The following PKNOX2 variants were observed in gnomAD, a reference collection of about 807,000 sequenced individuals.
The protein encoded by PKNOX2 is homeobox protein PKNOX2.
Under a neutral mutation model 53.1 loss-of-function variants are expected in PKNOX2, and 14 were observed. That is an observed-to-expected ratio of 0.26 (90% CI 0.17 to 0.41). The LOEUF (loss-of-function observed/expected upper bound fraction) is 0.41. PKNOX2 is among the 10% of genes least tolerant of loss of function. PKNOX2 has a pLI of 1.00. For missense variants in PKNOX2, 496 were observed against 602.8 expected (o/e 0.82, Z 1.85); for synonymous variants, 257 against 242.8 (o/e 1.06, Z -0.54).
chr11:125,280,604 C>A (rs998270751), intron 2 of PKNOX2, among the ~76,000 whole-genome samples: 1 of 152,156 alleles, frequency 6.6e-6, no homozygotes, highest in Admixed American at 6.5e-5. Context: ...TCCAGGAAAC[C>A]CTTACTGGGT....
intron 4 of PKNOX2, among the ~76,000 whole-genome samples, chr11:125,364,802 G>A (rs1952100472): frequency 6.6e-6 from 1 of 152,244 alleles, no homozygotes; most frequent in African/African-American, 2.4e-5. Context: ...TGTGTGGTGG[G>A]TGGTGATTAT....
intron 1 of PKNOX2, among the ~76,000 whole-genome samples, chr11:125,227,479 G>T (rs1320187186): frequency 1.3e-5 from 2 of 152,184 alleles, no homozygotes; most frequent in African/African-American, 4.8e-5. Flanking sequence ...TACAGTATTT[G>T]TCTTTTTGTG....
At chr11:125,307,342 G>T (rs1454975847) in intron 2 of PKNOX2, among the ~76,000 whole-genome samples, 1 of 152,184 alleles carries the variant, frequency 6.6e-6, no homozygotes, top group Non-Finnish European at 1.5e-5. Flanking sequence ...ACCTTGGGAG[G>T]CAGAGGCAGG....
chr11:125,237,592 A>G (rs1387830043), intron 2 of PKNOX2, among the ~76,000 whole-genome samples: 6 of 152,246 alleles, frequency 3.9e-5, no homozygotes, highest in Non-Finnish European at 8.8e-5. Flanking sequence ...CCCTAGAAAG[A>G]CAGGCTAAAG....
chr11:125,174,143 C>T (rs900402709), intron 1 of PKNOX2, among the ~76,000 whole-genome samples: 3 of 152,174 alleles, frequency 2.0e-5, no homozygotes, highest in Non-Finnish European at 4.4e-5. Context: ...TGGAGATTGT[C>T]AGTTCTATCT....
At chr11:125,188,651 A>C (rs796135850) in intron 1 of PKNOX2, among the ~76,000 whole-genome samples, 51 of 151,686 alleles carry the variant, frequency 3.4e-4, no homozygotes, top group African/African-American at 1.1e-3. Flanking sequence ...CCTATTGCAA[A>C]CCCCCGTGCT....
At chr11:125,269,417 C>T (rs1945617248) in intron 2 of PKNOX2, among the ~76,000 whole-genome samples, 1 of 152,142 alleles carries the variant, frequency 6.6e-6, no homozygotes, top group South Asian at 2.1e-4. Context: ...ACAAACACAT[C>T]CTATGCAAAA....
chr11:125,324,663 T>A (rs960631279), intron 2 of PKNOX2, among the ~76,000 whole-genome samples: 2 of 152,066 alleles, frequency 1.3e-5, no homozygotes, highest in African/African-American at 4.8e-5. Context: ...CCCAGAGAGA[T>A]GGATCAGGAG....
intron 5 of PKNOX2, among the ~76,000 whole-genome samples, chr11:125,383,713 G>C (rs1953413306): frequency 6.6e-6 from 1 of 152,152 alleles, no homozygotes; most frequent in Admixed American, 6.5e-5. Flanking sequence ...AAAATTAAAA[G>C]TTCAGAGTCC....
Position 125,205,956 on chromosome 11 carries a change from T to A in PKNOX2, c.-200-29089T>A, listed in dbSNP as rs538375110. Among the ~76,000 whole-genome samples, 268 of 152,194 alleles carry A rather than the reference T, an allele frequency of 1.8e-3. 10 individuals carry two copies. The South Asian group carries it at 0.054, about 31-fold the overall frequency. On this transcript the variant is annotated intron_variant, in intron 1 of 12. Transcript: ENST00000298282. ...GGAACAGGATTAATTAATCACTGAA[T>A]GAGTGGCACAGATTCTATGTGCTAA...
chr11:125,228,801 G>A (rs192713806), intron 1 of PKNOX2, among the ~76,000 whole-genome samples: 1 of 152,142 alleles, frequency 6.6e-6, no homozygotes, highest in African/African-American at 2.4e-5. Context: ...TTTATTGCTG[G>A]TCTGATGGCC....
chr11:125,412,671 T>C (rs1447213325), intron 10 of PKNOX2, among the ~76,000 whole-genome samples: 1 of 152,088 alleles, frequency 6.6e-6, no homozygotes, highest in Non-Finnish European at 1.5e-5. Flanking sequence ...GGGAGGTAGA[T>C]GCTGTGACCA....
intron 2 of PKNOX2, among the ~76,000 whole-genome samples, chr11:125,251,486 G>A (rs1016923584): frequency 6.6e-6 from 1 of 152,136 alleles, no homozygotes; most frequent in African/African-American, 2.4e-5. Context: ...CAACTTTTCA[G>A]CGACAAAGAT....
intron 1 of PKNOX2, among the ~76,000 whole-genome samples, chr11:125,180,122 A>G (rs1229226897): frequency 1.3e-5 from 2 of 152,146 alleles, no homozygotes; most frequent in African/African-American, 2.4e-5. Context: ...TGCCCGGAAC[A>G]TCGTTCCCTG....
Position 125,349,316 on chromosome 11 carries a change from G to A in PKNOX2, c.-22-1968G>A, listed in dbSNP as rs185010373. On this transcript the variant is annotated intron_variant, in intron 3 of 12. Coordinates refer to ENST00000298282, the MANE Select transcript of PKNOX2 (RefSeq NM_001382323.2). ...TGACCACCACCCAGACAAAGATCCA[G>A]CTGTGAACAGAGGCCTTGGTTCCCC... Among the ~76,000 whole-genome samples the A allele has an allele frequency of 6.3e-3, 957 of 151,172 alleles. 11 individuals carry two copies. Among genetic ancestry groups the A allele is most frequent in the Non-Finnish European group, 9.6e-3 (650 of 67,912 alleles).
chr11:125,380,601 G>T (rs965464953), intron 5 of PKNOX2, among the ~76,000 whole-genome samples: 44 of 152,212 alleles, frequency 2.9e-4, no homozygotes, highest in African/African-American at 1.1e-3. Context: ...CTAGCCCATG[G>T]AGGATGTGGA....
chr11:125,249,066 A>T (rs1565479120), intron 2 of PKNOX2, among the ~76,000 whole-genome samples: 2 of 109,708 alleles, frequency 1.8e-5, no homozygotes, highest in Non-Finnish European at 4.0e-5. Flanking sequence ...TAATATATAT[A>T]ACACATATAT....
intron 6 of PKNOX2, among the ~76,000 whole-genome samples, chr11:125,388,640 A>C (rs1423454560): frequency 6.6e-6 from 1 of 151,878 alleles, no homozygotes; most frequent in African/African-American, 2.4e-5. Flanking sequence ...CAGGCCCTGT[A>C]AGCCTGTGGT....
In PKNOX2 at chr11:125,433,034, C is replaced by A. The variant is rs1008031449; in HGVS notation, c.*1642C>A. The A allele has an allele frequency of 1.3e-5, 2 of 152,622 alleles. No homozygotes were observed. Among genetic ancestry groups the A allele is most frequent in the Admixed American group, 1.3e-4 (2 of 15,276 alleles). The allele number at this position is 152,622 out of a possible 1,614,324, so 9.5% of individuals were successfully genotyped here. ...ATAAGGATTTTTGAGAAACAAATAA[C>A]CTTATTTATAATCTGGGTGATCCAA... On this transcript the variant is annotated 3_prime_UTR_variant, in exon 13 of 13. Transcript: ENST00000298282.
Sources: gnomAD v4.1 joint callset for allele counts (sites outside exome capture counted in the v4.1 genomes callset) on GRCh38, gnomAD v4.1.1 for gene constraint, MANE v1.5 for transcripts, NCBI Gene and HGNC (gene_info 2026-07-23, HGNC 2026-07-21) for gene names.